Variants in OTOGL observed in about 807,000 individuals in gnomAD.
OTOGL encodes the protein otogelin-like protein.
In OTOGL, 285 loss-of-function variants were observed where a neutral mutation model predicts 318.5. The ratio of observed to expected loss-of-function variants is 0.89; its 90% CI spans 0.81 to 0.99. OTOGL has a LOEUF of 0.99. OTOGL is among the 50% of genes least tolerant of loss of function. OTOGL has a pLI of 0.00. For synonymous variants in OTOGL, 987 were observed against 936.5 expected, an observed-to-expected ratio of 1.05 and a Z score of -0.99; for missense variants, 2,899 against 2,845.6, an observed-to-expected ratio of 1.02 and a Z score of -0.43.
intron 8 of OTOGL, 68 bp downstream of exon 8, chr12:80,229,446 C>A: frequency 6.7e-7 from 1 of 1,494,432 alleles, no homozygotes; most frequent in Non-Finnish European, 9.1e-7. Context: ...ACATCACATG[C>A]TGGAAGTGAA....
At chr12:80,228,219 T>C (rs1035324356) in intron 7 of OTOGL, among the ~76,000 whole-genome samples, 11 of 152,168 alleles carry the variant, frequency 7.2e-5, no homozygotes, top group African/African-American at 1.9e-4. Flanking sequence ...GGTGGTTGGA[T>C]CACTTGAGGT....
At chr12:80,274,382 T>A (rs1423904823) in intron 24 of OTOGL, among the ~76,000 whole-genome samples, 1 of 152,170 alleles carries the variant, frequency 6.6e-6, no homozygotes, top group East Asian at 1.9e-4. Flanking sequence ...CATTCACTTC[T>A]GCAAAGGCTT....
intron 37 of OTOGL, among the ~76,000 whole-genome samples, chr12:80,330,757 C>T (rs911299487): frequency 1.3e-5 from 2 of 152,096 alleles, no homozygotes; most frequent in African/African-American, 4.8e-5. Context: ...AACCTATTAG[C>T]AATATCATAT....
At chr12:80,172,487 G>A (rs1874268697) in intron 1 of OTOGL, among the ~76,000 whole-genome samples, 1 of 152,126 alleles carries the variant, frequency 6.6e-6, no homozygotes, top group South Asian at 2.1e-4. Context: ...CTTCTCATAG[G>A]TTGGTTCTGG....
intron 19 of OTOGL, among the ~76,000 whole-genome samples, chr12:80,264,287 C>A (rs1882778159): frequency 6.6e-6 from 1 of 152,062 alleles, no homozygotes; most frequent in African/African-American, 2.4e-5. Flanking sequence ...ATCAGTCATT[C>A]TCAAGGGAAA....
At chr12:80,130,367 TTGA>T (rs1299968069) in intron 1 of OTOGL, among the ~76,000 whole-genome samples, 1 of 152,210 alleles carries the variant, frequency 6.6e-6, no homozygotes, top group Non-Finnish European at 1.5e-5. Flanking sequence ...GTCTGAAATG[TTGA>T]TTAGATTGCA....
At chr12:80,305,819 G>T in intron 29 of OTOGL, 124 bp downstream of exon 29, 1 of 804,952 alleles carries the variant, frequency 1.2e-6, no homozygotes, top group East Asian at 3.2e-5. Context: ...ATTTATAGCT[G>T]ATAAACATTC....
intron 1 of OTOGL, among the ~76,000 whole-genome samples, chr12:80,117,095 A>G (rs762674378): frequency 6.6e-6 from 1 of 152,128 alleles, no homozygotes; most frequent in Non-Finnish European, 1.5e-5. Context: ...CAAAGTGAAG[A>G]TTCAACTGTC....
At chr12:80,178,211 C>T (rs1874670168) in intron 1 of OTOGL, among the ~76,000 whole-genome samples, 1 of 151,616 alleles carries the variant, frequency 6.6e-6, no homozygotes, top group South Asian at 2.1e-4. Flanking sequence ...CAGACACCTA[C>T]CACCATGCCC....
intron 32 of OTOGL, among the ~76,000 whole-genome samples, chr12:80,315,322 A>C (rs932715723): frequency 1.3e-5 from 2 of 152,218 alleles, no homozygotes; most frequent in African/African-American, 4.8e-5. Flanking sequence ...TATTGATACA[A>C]TAATAATGAA....
At chr12:80,161,811 T>C (rs1009491707) in intron 1 of OTOGL, among the ~76,000 whole-genome samples, 2 of 152,160 alleles carry the variant, frequency 1.3e-5, no homozygotes, top group African/African-American at 4.8e-5. Context: ...AGCATGTGAA[T>C]ATCTGCTTTC....
chr12:80,293,931 G>C (rs1885214001), intron 26 of OTOGL, among the ~76,000 whole-genome samples: 1 of 152,038 alleles, frequency 6.6e-6, no homozygotes, highest in Non-Finnish European at 1.5e-5. Flanking sequence ...AAGGGGCTGG[G>C]GCTATGACAG....
In OTOGL at chr12:80,251,771, A is replaced by G; in HGVS notation, c.1131A>G (p.Gln377=). Residue 377 remains glutamine (Q), a synonymous_variant, in exon 12 of 59, where the codon CAA becomes CAG. Coordinates refer to ENST00000547103, the MANE Select transcript of OTOGL (RefSeq NM_001378609.3). ...RACSHAGYPI[Q]DWRDDFPACT... ...GCTCTCATGCTGGCTACCCTATTCA[A>G]GACTGGAGAGATGACTTTCCAGCAT... 2 of 1,586,186 alleles carry G rather than the reference A, an allele frequency of 1.3e-6. No individual in the cohort carries two copies. The highest frequency in any genetic ancestry group is 1.7e-6 in the Non-Finnish European group (2 of 1,164,974).
At chr12:80,238,435 T>C (rs760536023) in intron 9 of OTOGL, among the ~76,000 whole-genome samples, 9 of 152,190 alleles carry the variant, frequency 5.9e-5, no homozygotes, top group Non-Finnish European at 1.3e-4. Flanking sequence ...ATAAGGTTCT[T>C]ACTAATATTA....
intron 1 of OTOGL, among the ~76,000 whole-genome samples, chr12:80,114,446 A>G (rs758377099): frequency 1.1e-4 from 17 of 152,122 alleles, no homozygotes; most frequent in Non-Finnish European, 2.1e-4. Context: ...TAGCCCCTAC[A>G]CTTTTCTGGC....
At chr12:80,197,154 C>T (rs1876131510) in intron 1 of OTOGL, among the ~76,000 whole-genome samples, 2 of 152,172 alleles carry the variant, frequency 1.3e-5, no homozygotes, top group Admixed American at 1.3e-4. Context: ...CTACCTATAA[C>T]TTGGTAGCCC....
intron 6 of OTOGL, among the ~76,000 whole-genome samples, chr12:80,220,173 T>TA (rs1201482821): frequency 2.6e-5 from 4 of 152,030 alleles, no homozygotes; most frequent in East Asian, 1.9e-4. Flanking sequence ...TTATTATTAT[T>TA]TTTTGAGACA....
chr12:80,113,617 C>A (rs895008431), intron 1 of OTOGL, among the ~76,000 whole-genome samples: 5 of 151,860 alleles, frequency 3.3e-5, no homozygotes, highest in Non-Finnish European at 5.9e-5. Flanking sequence ...GTCTGAGAGA[C>A]TGTTATGATT....
intron 53 of OTOGL, 133 bp from the exon 54 acceptor site, chr12:80,367,428 T>C (rs747990581): frequency 5.2e-6 from 3 of 573,638 alleles, no homozygotes; most frequent in Non-Finnish European, 8.6e-6. Flanking sequence ...AATACGTAAA[T>C]ATGAAGATCT....
Sources: allele counts gnomAD v4.1 joint callset (sites outside exome capture counted in the v4.1 genomes callset), GRCh38; gene constraint gnomAD v4.1.1; transcripts MANE v1.5; gene names NCBI Gene and HGNC (gene_info 2026-07-23, HGNC 2026-07-21).